Variants in SVOPL observed in about 807,000 individuals in gnomAD.
The protein encoded by SVOPL is SVOP like.
A neutral mutation model predicts 61.0 loss-of-function variants in SVOPL; 60 were observed. That is an observed-to-expected ratio of 0.98 (90% CI 0.80 to 1.22). The LOEUF is 1.22. Among genes scored for constraint, SVOPL ranks in the 50% most tolerant of loss-of-function variants. The probability of loss-of-function intolerance (pLI) is 0.00; values close to 1 mark genes in which losing one functional copy is unlikely to be tolerated. For missense variants in SVOPL, 662 were observed against 643.9 expected (o/e 1.03, Z -0.30); for synonymous variants, 279 against 250.0 (o/e 1.12, Z -1.09).
chr7:138,608,919 A>G (rs1443098150), intron 14 of SVOPL, among the ~76,000 whole-genome samples: 2 of 152,200 alleles, frequency 1.3e-5, no homozygotes, highest in African/African-American at 2.4e-5. Flanking sequence ...GTAATATGTC[A>G]GAAAAACTGC....
intron 1 of SVOPL, among the ~76,000 whole-genome samples, chr7:138,693,529 A>AAAAGAAAG (rs745407235): frequency 0.14 from 15,905 of 116,904 alleles, 1,230 homozygotes; most frequent in South Asian, 0.18. Flanking sequence ...AAAAGAAAGA[A>AAAAGAAAG]AAAGAAAGAA....
At chr7:138,667,270 G>C (rs1170255952) in intron 4 of SVOPL, among the ~76,000 whole-genome samples, 1 of 152,142 alleles carries the variant, frequency 6.6e-6, no homozygotes, top group Non-Finnish European at 1.5e-5. Flanking sequence ...CCATCAGCCA[G>C]ACCCCCCATG....
At chr7:138,622,491 GGC>G (rs1491172004) in intron 13 of SVOPL, among the ~76,000 whole-genome samples, 21 of 128,546 alleles carry the variant, frequency 1.6e-4, no homozygotes, top group African/African-American at 4.1e-4. Flanking sequence ...GGCAGCGGCG[GGC>G]GGGGGGTCTC....
intron 14 of SVOPL, among the ~76,000 whole-genome samples, chr7:138,609,298 T>C (rs1314182731): frequency 6.6e-6 from 1 of 152,104 alleles, no homozygotes; most frequent in Non-Finnish European, 1.5e-5. Flanking sequence ...CCCCTTCACC[T>C]ACCAATCCAA....
In SVOPL at chr7:138,621,968, ATCT is replaced by A. The variant is rs1169169557; in HGVS notation, c.1264-836_1264-834del. On this transcript the variant is annotated intron_variant, in intron 13 of 15. Coordinates refer to ENST00000674285, the MANE Select transcript of SVOPL (RefSeq NM_001139456.2). The stretch of plus-strand genomic sequence containing the variant: ...TATGTATCTATCTATCTATGTATCT[ATCT>A]ATGTATCTATCTATCTATGTATCTA... 4.2e-4 allele frequency among the ~76,000 whole-genome samples: 63 copies of A among 149,446 alleles called. 10 individuals carry two copies. Among genetic ancestry groups the A allele is most frequent in the Admixed American group, 8.7e-4 (13 of 14,976 alleles).
chr7:138,611,119 G>A (rs1229782700), intron 14 of SVOPL, among the ~76,000 whole-genome samples: 1 of 152,226 alleles, frequency 6.6e-6, no homozygotes, highest in African/African-American at 2.4e-5. Context: ...GCTCACGCCT[G>A]TAATCCCAGC....
At chr7:138,695,644 A>G (rs1803049198) in intron 1 of SVOPL, among the ~76,000 whole-genome samples, 1 of 152,176 alleles carries the variant, frequency 6.6e-6, no homozygotes, top group Non-Finnish European at 1.5e-5. Context: ...AGGGAAGTCT[A>G]AATTGAGACT....
intron 14 of SVOPL, among the ~76,000 whole-genome samples, chr7:138,597,996 CG>C (rs1798351658): frequency 6.6e-6 from 1 of 152,124 alleles, no homozygotes; most frequent in Non-Finnish European, 1.5e-5. Flanking sequence ...CCTGAAGCTT[CG>C]TAACAAGACT....
chr7:138,609,073 C>T (rs925125456), intron 14 of SVOPL, among the ~76,000 whole-genome samples: 2 of 151,990 alleles, frequency 1.3e-5, no homozygotes, highest in Admixed American at 1.3e-4. Flanking sequence ...AGATAAATTA[C>T]CCAATTAAAA....
chr7:138,662,853 T>C, intron 5 of SVOPL: 1 of 1,398,716 alleles, frequency 7.1e-7, no homozygotes, highest in East Asian at 2.6e-5. Flanking sequence ...CATCTCCTTT[T>C]ACTCCACACC....
intron 14 of SVOPL, among the ~76,000 whole-genome samples, chr7:138,604,322 A>C (rs188103613): frequency 6.6e-6 from 1 of 152,334 alleles, no homozygotes; most frequent in East Asian, 1.9e-4. Context: ...TACAACAAGC[A>C]TATTTTTATA....
intron 14 of SVOPL, among the ~76,000 whole-genome samples, chr7:138,612,807 G>A (rs59273053): frequency 0.017 from 2,582 of 151,980 alleles, 82 homozygotes; most frequent in African/African-American, 0.059. Flanking sequence ...GAGCCACCGC[G>A]CCTGGCCAGA....
chr7:138,607,160 A>G (rs1798796115), intron 14 of SVOPL, among the ~76,000 whole-genome samples: 1 of 152,090 alleles, frequency 6.6e-6, no homozygotes, highest in African/African-American at 2.4e-5. Flanking sequence ...AACATGCTAG[A>G]TTTAAGATGC....
rs1000840633 is a variant in SVOPL at position 138,659,903 on chromosome 7, C to T, written c.431G>A (p.Arg144Gln). 16 of 1,551,326 alleles carry T rather than the reference C, an allele frequency of 1.0e-5. No individual in the cohort carries two copies. Among genetic ancestry groups the T allele is most frequent in the East Asian group, 7.3e-5 (3 of 40,908 alleles). Reference sequence around the variant, plus strand: ...GGACACACCACAGCCCACCATCGTCCGCAGGAAGACAAACCAGATGTACGA... The same window carrying T: ...GGACACACCACAGCCCACCATCGTCTGCAGGAAGACAAACCAGATGTACGA... ...APSYIWFVFL[R>Q]TMVGCGVSGH... The change falls in exon 6 of 16, where the codon CGG becomes CAG. Residue 144 changes from arginine to glutamine, a missense_variant. By Grantham distance (43) the Arg-to-Gln change is conservative. Transcript: ENST00000674285.
chr7:138,678,069 A>G (rs575062009), intron 3 of SVOPL, among the ~76,000 whole-genome samples: 4 of 152,118 alleles, frequency 2.6e-5, no homozygotes, highest in Admixed American at 2.0e-4. Flanking sequence ...TGTGGCCACA[A>G]TCTTTTATCT....
intron 14 of SVOPL, among the ~76,000 whole-genome samples, chr7:138,597,786 T>C (rs577199609): frequency 2.3e-4 from 35 of 152,174 alleles, no homozygotes; most frequent in African/African-American, 8.4e-4. Flanking sequence ...ATTCTGTCAT[T>C]ATTGCCACTT....
At chr7:138,632,109 T>G (rs1407780147) in intron 9 of SVOPL, among the ~76,000 whole-genome samples, 1 of 152,184 alleles carries the variant, frequency 6.6e-6, no homozygotes, top group East Asian at 1.9e-4. Context: ...CAGGGTCTAC[T>G]GCCAGTAGCT....
At chr7:138,660,778 C>T (rs1414978956) in intron 5 of SVOPL, 2 of 983,422 alleles carry the variant, frequency 2.0e-6, no homozygotes, top group African/African-American at 1.8e-5. Context: ...AAAAATTATA[C>T]CAATAGGGTT....
chr7:138,626,242 C>G lies in SVOPL; in HGVS notation c.1182-192G>C, dbSNP rs1375053289. 6 of 593,948 alleles carry G rather than the reference C, an allele frequency of 1.0e-5. No individual in the cohort carries two copies. The East Asian group carries it at 1.7e-4, about 17-fold the overall frequency. 36.8% of individuals were successfully genotyped at this position (593,948 alleles called of 1,614,324 possible). On this transcript the variant is annotated intron_variant, in intron 12 of 15. Transcript: ENST00000674285. The stretch of plus-strand genomic sequence containing the variant: ...CCTCCTTCCAATCTTACTCCCACTG[C>G]CTTCTCCATTCCCCAACGCTGCCAT...
Sources: allele counts gnomAD v4.1 joint callset (sites outside exome capture counted in the v4.1 genomes callset), GRCh38; gene constraint gnomAD v4.1.1; transcripts MANE v1.5; gene names NCBI Gene and HGNC (gene_info 2026-07-23, HGNC 2026-07-21).